The following PARP6 variants were observed in gnomAD, a reference collection of about 807,000 sequenced individuals.
PARP6 encodes poly(ADP-ribose) polymerase family member 6, also known as protein mono-ADP-ribosyltransferase PARP6.
Under a neutral mutation model 92.0 loss-of-function variants are expected in PARP6, and 27 were observed. That is an observed-to-expected ratio of 0.29 (90% CI 0.22 to 0.40). PARP6 has a LOEUF of 0.40. PARP6 is among the 10% of genes least tolerant of loss of function. PARP6 has a pLI of 1.00. For synonymous variants in PARP6, 272 were observed against 281.2 expected (o/e 0.97, Z 0.33); for missense variants, 501 against 784.5 (o/e 0.64, Z 4.32).
Position 72,265,190 on chromosome 15 carries a change from T to C in PARP6, c.238-19A>G, listed in dbSNP as rs754218847. ...CTTCCTCCTAAAAGAAGAAGGGAAA[T>C]AGTTTCCAGTTTAGCAACATAGACG... On this transcript the variant is annotated intron_variant, in intron 6 of 23. Transcript: ENST00000569795. 7.0e-6 allele frequency: 11 copies of C among 1,560,566 alleles called. No homozygotes were observed. Among genetic ancestry groups the C allele is most frequent in the Non-Finnish European group, 7.9e-6 (9 of 1,132,394 alleles).
At position 72,267,304 on chromosome 15, in the gene PARP6, A is replaced by C; in HGVS notation, c.3+171T>G. 10 of 690,952 alleles carry C rather than the reference A, an allele frequency of 1.4e-5. 1 individual carries two copies. The South Asian group carries it at 1.6e-4, about 11-fold the overall frequency. The allele number at this position is 690,952 out of a possible 1,614,324, so 42.8% of individuals were successfully genotyped here. ...CCCTCCCCAAGAAAACCCACTACAC[A>C]AACACACCAAGTAATACTGTTTCTG... On this transcript the variant is annotated intron_variant, in intron 3 of 23. Transcript: ENST00000569795.
intron 4 of PARP6, 144 bp downstream of exon 4, chr15:72,266,601 C>T (rs1450075121): frequency 1.5e-6 from 1 of 654,904 alleles, no homozygotes; most frequent in Non-Finnish European, 2.8e-6. Flanking sequence ...ACGGGATCAG[C>T]TCTGACAAGA....
intron 5 of PARP6, 110 bp downstream of exon 5, chr15:72,265,787 A>T (rs1022965924): frequency 1.3e-6 from 1 of 759,468 alleles, no homozygotes; most frequent in Non-Finnish European, 2.2e-6. Context: ...TTCTATCATT[A>T]AGTTCATAAT....
chr15:72,263,847 C>T (rs1225907378), intron 8 of PARP6, among the ~76,000 whole-genome samples: 1 of 151,740 alleles, frequency 6.6e-6, no homozygotes, highest in East Asian at 1.9e-4. Flanking sequence ...CATGGAGAAA[C>T]CCCCATCTCT....
chr15:72,243,796 A>G (rs1213982732), intron 20 of PARP6: 2 of 152,220 alleles, frequency 1.3e-5, no homozygotes, highest in Non-Finnish European at 2.9e-5. Flanking sequence ...AGGGAGAGAG[A>G]TGAAGATGGA....
At chr15:72,261,081 T>C (rs1000281) in intron 9 of PARP6, among the ~76,000 whole-genome samples, 95,484 of 152,124 alleles carry the variant, frequency 0.63, 31,559 homozygotes, top group Middle Eastern at 0.74. Context: ...GGGCGTAATA[T>C]TGACTATCTG....
At chr15:72,271,555 T>C (rs952581916) in intron 1 of PARP6, among the ~76,000 whole-genome samples, 1 of 152,234 alleles carries the variant, frequency 6.6e-6, no homozygotes, top group Non-Finnish European at 1.5e-5. Flanking sequence ...AAAGCTTTCA[T>C]GTTACACACA....
chr15:72,249,813 A>G (rs1445102760), intron 19 of PARP6, among the ~76,000 whole-genome samples: 1 of 152,144 alleles, frequency 6.6e-6, no homozygotes, highest in Admixed American at 6.5e-5. Flanking sequence ...CATTCCCCAA[A>G]CCACCAAAAA....
rs1351508049 is a variant in PARP6 at position 72,251,844 on chromosome 15, T to C, written c.1260-589A>G. On this transcript the variant is annotated intron_variant, in intron 16 of 23. Transcript: ENST00000569795. ...CTCTATACAGGCTGAACACAGAAGA[T>C]AGAAGAGAACAGACATAAAACACTG... Among the ~76,000 whole-genome samples the C allele has an allele frequency of 6.6e-5, 10 of 152,286 alleles. No homozygotes were observed. The East Asian group carries it at 1.2e-3, about 18-fold the overall frequency.
intron 11 of PARP6, among the ~76,000 whole-genome samples, chr15:72,259,398 T>C (rs1048793260): frequency 6.6e-6 from 1 of 152,264 alleles, no homozygotes; most frequent in Non-Finnish European, 1.5e-5. Context: ...CGGTGCCTCA[T>C]TGGCACTTGA....
Position 72,265,148 on chromosome 15 carries a change from C to T in PARP6, c.261G>A (p.Lys87=). ...FLDEEVSTAW[K]VLRTEPIVLR... ...ACACAATAGGTTCTGTCCGGAGGACCTTCCAGGCTGTAGAGACTTCCTCCT... is the reference window on the plus strand; with the variant it reads ...ACACAATAGGTTCTGTCCGGAGGACTTTCCAGGCTGTAGAGACTTCCTCCT... Residue 87 remains lysine, a synonymous_variant, in exon 7 of 24, where the codon AAG becomes AAA. Transcript: ENST00000569795. 1 of 1,612,794 alleles carries T rather than the reference C, an allele frequency of 6.2e-7. No homozygotes were observed. The highest frequency in any genetic ancestry group is 8.5e-7 in the Non-Finnish European group (1 of 1,178,908).
Position 72,250,004 on chromosome 15 carries a change from AG to A in PARP6, c.1491+15del, listed in dbSNP as rs779990248. The A allele has an allele frequency of 3.2e-6, 5 of 1,545,928 alleles. No individual in the cohort carries two copies. Among genetic ancestry groups the A allele is most frequent in the Non-Finnish European group, 4.5e-6 (5 of 1,117,696 alleles). Reference sequence around the variant, plus strand: ...GGGAGCGGTTAGAAATAAAGGAGAAAGGGGCACAGCCTCACCTGCAGTTTGG... The same window carrying A: ...GGGAGCGGTTAGAAATAAAGGAGAAAGGGCACAGCCTCACCTGCAGTTTGG... On this transcript the variant is annotated intron_variant, in intron 19 of 23. Transcript: ENST00000569795.
intron 20 of PARP6, 133 bp downstream of exon 20, chr15:72,249,112 T>C (rs1471664940): frequency 4.3e-6 from 2 of 468,274 alleles, no homozygotes; most frequent in Non-Finnish European, 3.9e-6. Context: ...AGAGAGAATA[T>C]GTATCCATGA....
intron 9 of PARP6, 118 bp downstream of exon 9, chr15:72,261,440 T>C (rs2085875234): frequency 1.0e-5 from 9 of 866,678 alleles, no homozygotes; most frequent in Non-Finnish European, 1.7e-5. Context: ...GTGGTGTCAG[T>C]AGTTAAAGAG....
At position 72,267,663 on chromosome 15, in the gene PARP6, G is replaced by A. The variant is rs537302087; in HGVS notation, c.-186C>T. 18 of 627,042 alleles carry A rather than the reference G, an allele frequency of 2.9e-5. No homozygotes were observed. In the African/African-American group the frequency reaches 3.1e-4, roughly 11 times the overall value. 38.8% of individuals were successfully genotyped at this position (627,042 alleles called of 1,614,324 possible). A position where few individuals can be genotyped will look rare whatever the true frequency, so the allele number is the denominator to read the frequency against. ...GGCTCTGCTGTTGCGGTGGTAACAA[G>A]TCACTGTCCTGTGGAAAGTAGATAA... On this transcript the variant is annotated 5_prime_UTR_variant, in exon 3 of 24. Transcript: ENST00000569795.
intron 2 of PARP6, among the ~76,000 whole-genome samples, chr15:72,268,491 G>A (rs2086902508): frequency 6.6e-6 from 1 of 152,242 alleles, no homozygotes; most frequent in South Asian, 2.1e-4. Context: ...CTGAGGTCAG[G>A]AGTTCAAGAC....
chr15:72,257,756 T>TA (rs1027244333), intron 12 of PARP6, among the ~76,000 whole-genome samples: 4 of 152,332 alleles, frequency 2.6e-5, no homozygotes, highest in East Asian at 1.9e-4. Context: ...CATCTGGACT[T>TA]AGAGTCCTTG....
chr15:72,257,499 G>T (rs2085295038), intron 12 of PARP6, 59 bp from the exon 13 acceptor site: 2 of 1,354,764 alleles, frequency 1.5e-6, no homozygotes, highest in Non-Finnish European at 2.1e-6. Context: ...GGTGTAGGCA[G>T]AGAGGGACAG....
intron 13 of PARP6, among the ~76,000 whole-genome samples, 158 bp downstream of exon 13, chr15:72,257,190 C>T (rs117239849): frequency 2.6e-5 from 4 of 152,302 alleles, no homozygotes; most frequent in Non-Finnish European, 5.9e-5. Flanking sequence ...GGAGCCCCTA[C>T]AGATGGGGTT....
Sources: allele counts gnomAD v4.1 joint callset (sites outside exome capture counted in the v4.1 genomes callset), GRCh38; gene constraint gnomAD v4.1.1; transcripts MANE v1.5; gene names NCBI Gene and HGNC (gene_info 2026-07-23, HGNC 2026-07-21).